Variants in SOCS2 observed in about 807,000 individuals in gnomAD.
SOCS2 encodes the protein suppressor of cytokine signaling 2.
Under a neutral mutation model 18.6 loss-of-function variants are expected in SOCS2, and 10 were observed. The observed-to-expected ratio is 0.54, with a 90% confidence interval of 0.33 to 0.91. SOCS2 has a LOEUF of 0.91. Ranked by LOEUF, SOCS2 falls within the 40% of genes least tolerant of loss-of-function variation. The pLI, the probability that SOCS2 is intolerant of heterozygous loss-of-function variation, is 0.02. For missense variants in SOCS2, 231 were observed against 247.2 expected, an observed-to-expected ratio of 0.93 and a Z score of 0.44; for synonymous variants, 104 against 104.0, an observed-to-expected ratio of 1.00 and a Z score of 0.00.
chr12:93,616,895 C>T, the SOCS2 span, among the ~76,000 whole-genome samples: 2 of 152,252 alleles, frequency 1.3e-5, no homozygotes, highest in Admixed American at 6.5e-5. Flanking sequence ...AATGAAAAAA[C>T]CTTTTGGTCT....
the SOCS2 span, among the ~76,000 whole-genome samples, chr12:93,606,204 G>C: frequency 6.6e-6 from 1 of 152,198 alleles, no homozygotes; most frequent in African/African-American, 2.4e-5. Flanking sequence ...CTGGCTGCAA[G>C]GAAAGCTGGG....
chr12:93,603,301 T>A, the SOCS2 span, among the ~76,000 whole-genome samples: 2 of 152,236 alleles, frequency 1.3e-5, no homozygotes, highest in Non-Finnish European at 2.9e-5. Flanking sequence ...ATGCATTGTT[T>A]TGTTTAATCC....
the SOCS2 span, among the ~76,000 whole-genome samples, chr12:93,598,207 G>A: frequency 2.7e-4 from 41 of 152,286 alleles, no homozygotes; most frequent in African/African-American, 9.9e-4. Flanking sequence ...TGAGAAGGAA[G>A]AGCAAGTGTT....
Position 93,575,024 on chromosome 12 carries a change from G to C in SOCS2, c.442G>C (p.Val148Leu). The C allele has an allele frequency of 6.2e-7, 1 of 1,613,538 alleles. No homozygotes were observed. The part of the protein sequence containing the change: ...TGPEAPRNGT[V>L]HLYLTKPLYT... ...TCCAGAAGCCCCCCGGAACGGCACTGTTCACCTTTATCTGACCAAACCGCT... is the reference window on the plus strand; with the variant it reads ...TCCAGAAGCCCCCCGGAACGGCACTCTTCACCTTTATCTGACCAAACCGCT... Residue 148 changes from valine to leucine, a missense_variant, in exon 2 of 2, where the codon GTT (valine) becomes CTT (leucine). Physicochemically the swap from Val to Leu is conservative, Grantham distance 32. This residue lies in a region of SOCS2 where 122 missense variants were observed against 127.2 expected (regional missense o/e 0.96). Coordinates refer to ENST00000551556, the MANE Select transcript of SOCS2 (RefSeq NM_001270471.2).
At chr12:93,593,913 A>G in the SOCS2 span, among the ~76,000 whole-genome samples, 2 of 152,242 alleles carry the variant, frequency 1.3e-5, no homozygotes, top group Admixed American at 6.5e-5. Context: ...CTGCCTTAAA[A>G]TAAAGGAAAT....
the SOCS2 span, among the ~76,000 whole-genome samples, chr12:93,603,652 C>T: frequency 6.6e-6 from 1 of 151,998 alleles, no homozygotes; most frequent in Non-Finnish European, 1.5e-5. Flanking sequence ...TACAAGTTAC[C>T]TTGTCTTCCT....
At chr12:93,584,774 T>C (rs1394965634), downstream of SOCS2, among the ~76,000 whole-genome samples, 1 of 152,140 alleles carries the variant, frequency 6.6e-6, no homozygotes. Flanking sequence ...CCCTTCTTTT[T>C]TTTTTGAGAC....
the SOCS2 span, among the ~76,000 whole-genome samples, chr12:93,590,267 T>C: frequency 6.6e-6 from 1 of 151,594 alleles, no homozygotes; most frequent in Non-Finnish European, 1.5e-5. Flanking sequence ...GTACTGTATT[T>C]GGACTTTTAA....
At chr12:93,589,230 A>G in the SOCS2 span, among the ~76,000 whole-genome samples, 1 of 152,062 alleles carries the variant, frequency 6.6e-6, no homozygotes, top group Non-Finnish European at 1.5e-5. Flanking sequence ...CCCATCATAT[A>G]TTTTTCACAG....
At chr12:93,574,690 CT>C (rs1164856973) in intron 1 of SOCS2, 31 bp from the exon 2 acceptor site, 3 of 1,485,032 alleles carry the variant, frequency 2.0e-6, no homozygotes, top group Admixed American at 2.1e-5. Context: ...GTTTTACCCT[CT>C]TTTCTTTTTC....
At chr12:93,621,534 T>C in the SOCS2 span, among the ~76,000 whole-genome samples, 1 of 152,262 alleles carries the variant, frequency 6.6e-6, no homozygotes, top group African/African-American at 2.4e-5. Flanking sequence ...CCAGGCACAG[T>C]GGAACAATCA....
At chr12:93,618,478 C>T in the SOCS2 span, among the ~76,000 whole-genome samples, 1 of 152,154 alleles carries the variant, frequency 6.6e-6, no homozygotes, top group African/African-American at 2.4e-5. Flanking sequence ...CCATCCTTGA[C>T]CAGTCCCCAC....
At chr12:93,616,771 T>G in the SOCS2 span, among the ~76,000 whole-genome samples, 1 of 152,130 alleles carries the variant, frequency 6.6e-6, no homozygotes, top group Admixed American at 6.5e-5. Context: ...CAAAACAAAC[T>G]TTGGCTGCTT....
chr12:93,589,755 A>AAACTGATG, the SOCS2 span, among the ~76,000 whole-genome samples: 1 of 152,242 alleles, frequency 6.6e-6, no homozygotes, highest in Non-Finnish European at 1.5e-5. Flanking sequence ...TTGCCAGATA[A>AAACTGATG]AACTGATGTC....
chr12:93,580,345 G>A (rs965273472), downstream of SOCS2, among the ~76,000 whole-genome samples: 1 of 152,124 alleles, frequency 6.6e-6, no homozygotes, highest in Admixed American at 6.6e-5. Context: ...ATGTTAGCCA[G>A]GCACAGTGGC....
chr12:93,610,984 T>C, the SOCS2 span, among the ~76,000 whole-genome samples: 1 of 152,182 alleles, frequency 6.6e-6, no homozygotes, highest in Non-Finnish European at 1.5e-5. Flanking sequence ...AGTTGAGAAT[T>C]GCTCAATTTT....
chr12:93,608,016 T>TC, the SOCS2 span, among the ~76,000 whole-genome samples: 1 of 151,658 alleles, frequency 6.6e-6, no homozygotes, highest in Non-Finnish European at 1.5e-5. Flanking sequence ...TTTTTTTTTT[T>TC]TTTGAGACAG....
upstream of SOCS2, chr12:93,571,899 C>T: frequency 2.3e-6 from 1 of 433,288 alleles, no homozygotes; most frequent in Non-Finnish European, 4.6e-6. Context: ...CGGCGGCGGC[C>T]GCGGCCGAGG....
chr12:93,582,184 T>G (rs1456458096), intron 1 of SOCS2, among the ~76,000 whole-genome samples: 1 of 151,922 alleles, frequency 6.6e-6, no homozygotes, highest in Non-Finnish European at 1.5e-5. Flanking sequence ...CTGGAAGGAG[T>G]CCTCAGACCT....
Sources: allele counts gnomAD v4.1 joint callset (sites outside exome capture counted in the v4.1 genomes callset), GRCh38; gene constraint gnomAD v4.1.1; regional missense constraint gnomAD v4.1.1; transcripts MANE v1.5; gene names NCBI Gene and HGNC (gene_info 2026-07-23, HGNC 2026-07-21).